ALDH1A1: variants seen among roughly 807,000 people sequenced by gnomAD.
ALDH1A1 encodes the protein aldehyde dehydrogenase 1A1.
Under a neutral mutation model 62.1 loss-of-function variants are expected in ALDH1A1, and 19 were observed. That is an observed-to-expected ratio of 0.31 (90% CI 0.21 to 0.45). The LOEUF is 0.45. Among genes scored for constraint, ALDH1A1 ranks in the 20% least tolerant of loss-of-function variants. ALDH1A1 has a pLI of 1.00. For missense variants in ALDH1A1, 521 were observed against 607.1 expected (o/e 0.86, Z 1.49); for synonymous variants, 231 against 215.9 (o/e 1.07, Z -0.61).
intron 1 of ALDH1A1, among the ~76,000 whole-genome samples, chr9:72,940,763 T>C (rs551802264): frequency 7.9e-5 from 12 of 152,346 alleles, no homozygotes; most frequent in South Asian, 4.1e-4. Flanking sequence ...CATTGTTTCA[T>C]TGGCTTTTTA....
In ALDH1A1 at chr9:72,903,959, T is replaced by TA. The variant is rs146039435; in HGVS notation, c.1433+1998dup. ...TTAGTTTTGCCAAGAGATTCTCCAG[T>TA]AATAGAAAGAGAAGAAACTAGGGAA... On this transcript the variant is annotated intron_variant, in intron 12 of 12. Transcript: ENST00000297785. Among the ~76,000 whole-genome samples the TA allele has an allele frequency of 3.0e-3, 463 of 152,182 alleles. 2 individuals carry two copies. The highest frequency in any genetic ancestry group is 0.01 in the African/African-American group (430 of 41,526).
chr9:72,910,578 T>C (rs1829970047), intron 10 of ALDH1A1, among the ~76,000 whole-genome samples: 1 of 152,182 alleles, frequency 6.6e-6, no homozygotes, highest in Non-Finnish European at 1.5e-5. Context: ...TCACCCTGTA[T>C]CTCAGCCTCA....
intron 12 of ALDH1A1, among the ~76,000 whole-genome samples, chr9:72,904,871 C>A (rs747795565): frequency 6.6e-6 from 1 of 152,146 alleles, no homozygotes; most frequent in South Asian, 2.1e-4. Flanking sequence ...GCATGTCCTG[C>A]CACCACAGCT....
At chr9:72,905,388 A>G (rs1829866004) in intron 12 of ALDH1A1, among the ~76,000 whole-genome samples, 1 of 152,086 alleles carries the variant, frequency 6.6e-6, no homozygotes, top group East Asian at 1.9e-4. Context: ...AGTCACTACT[A>G]TAAAACATGT....
chr9:72,912,210 T>C, intron 9 of ALDH1A1, 88 bp from the exon 10 acceptor site: 1 of 1,090,722 alleles, frequency 9.2e-7, no homozygotes, highest in Non-Finnish European at 1.3e-6. Flanking sequence ...GGCTTCAAAA[T>C]GCTAAAATAT....
At chr9:72,947,161 G>A (rs8187881) in intron 1 of ALDH1A1, among the ~76,000 whole-genome samples, 1 of 151,922 alleles carries the variant, frequency 6.6e-6, no homozygotes, top group Admixed American at 6.6e-5. Context: ...TCAGAGATGA[G>A]CATTCTAAAT....
chr9:72,933,740 T>C (rs562716678), intron 2 of ALDH1A1, among the ~76,000 whole-genome samples: 15 of 152,258 alleles, frequency 9.9e-5, no homozygotes, highest in African/African-American at 2.4e-4. Flanking sequence ...ATGGTGGCAA[T>C]TGTTACTGTT....
At chr9:72,917,321 G>C (rs1396203488) in intron 8 of ALDH1A1, among the ~76,000 whole-genome samples, 1 of 151,942 alleles carries the variant, frequency 6.6e-6, no homozygotes, top group African/African-American at 2.4e-5. Context: ...TGAAAAAATA[G>C]TGGTTACTAT....
chr9:72,901,315 T>A, intron 12 of ALDH1A1, 35 bp from the exon 13 acceptor site: 1 of 1,431,792 alleles, frequency 7.0e-7, no homozygotes, highest in South Asian at 1.2e-5. Flanking sequence ...CAAACACCAT[T>A]TAGCACAGCA....
At chr9:72,915,714 C>T (rs1055898421) in intron 9 of ALDH1A1, among the ~76,000 whole-genome samples, 2 of 152,170 alleles carry the variant, frequency 1.3e-5, no homozygotes, top group East Asian at 1.9e-4. Flanking sequence ...ACTTGGATGT[C>T]TTGAGATGAA....
intron 12 of ALDH1A1, among the ~76,000 whole-genome samples, chr9:72,903,414 G>C (rs911008303): frequency 1.3e-5 from 2 of 151,958 alleles, no homozygotes; most frequent in South Asian, 4.1e-4. Context: ...TGAGGACTCT[G>C]TTCTCAACTG....
intron 3 of ALDH1A1, among the ~76,000 whole-genome samples, 154 bp from the exon 4 acceptor site, chr9:72,929,175 A>G (rs1830248816): frequency 6.6e-6 from 1 of 152,240 alleles, no homozygotes; most frequent in Non-Finnish European, 1.5e-5. Flanking sequence ...AGTTAAAATG[A>G]CTTCCTTTAG....
rs2118496008 is a variant in ALDH1A1, at chr9:72,911,708, G to T, written c.1200+250C>A. On this transcript the variant is annotated intron_variant, in intron 10 of 12. Transcript: ENST00000297785. ...TTTTCCATTGTTTTAAAGCTGTGAA[G>T]GCAGCACCTGAAAATTGTTAAGCAT... Among the ~76,000 whole-genome samples, 3 of 152,300 alleles carry T rather than the reference G, an allele frequency of 2.0e-5. 1 individual carries two copies. In the Middle Eastern group the frequency reaches 0.01, roughly 518 times the overall value.
intron 1 of ALDH1A1, chr9:72,942,384 C>A (rs1830424879): frequency 1.0e-6 from 1 of 984,984 alleles, no homozygotes; most frequent in African/African-American, 1.7e-5. Context: ...GTCCCCCAGC[C>A]CTATCTCTCA....
At chr9:72,903,315 A>G (rs1289159176) in intron 12 of ALDH1A1, among the ~76,000 whole-genome samples, 2 of 152,072 alleles carry the variant, frequency 1.3e-5, no homozygotes, top group Admixed American at 6.6e-5. Context: ...CAGAGCCAAC[A>G]CTATGATCAG....
intron 12 of ALDH1A1, among the ~76,000 whole-genome samples, chr9:72,905,434 A>G (rs948462451): frequency 1.2e-4 from 19 of 152,146 alleles, no homozygotes; most frequent in African/African-American, 4.6e-4. Context: ...AAGTTTTAAT[A>G]CTAAAAATAA....
intron 2 of ALDH1A1, among the ~76,000 whole-genome samples, chr9:72,938,549 T>G (rs1588143242): frequency 1.3e-5 from 2 of 151,798 alleles, no homozygotes; most frequent in South Asian, 4.2e-4. Flanking sequence ...CGGGTTCAAG[T>G]GATTCTCCTA....
chr9:72,933,214 C>G (rs1053213399), intron 2 of ALDH1A1, among the ~76,000 whole-genome samples: 1 of 152,156 alleles, frequency 6.6e-6, no homozygotes, highest in African/African-American at 2.4e-5. Context: ...AACCATTCAT[C>G]CCTCTAGCTA....
At chr9:72,936,954 GA>G (rs1489999593) in intron 2 of ALDH1A1, among the ~76,000 whole-genome samples, 2 of 152,124 alleles carry the variant, frequency 1.3e-5, no homozygotes, top group African/African-American at 4.8e-5. Context: ...GATAAAAAAT[GA>G]AAATTTTCAG....
Sources: gnomAD v4.1 joint callset for allele counts (sites outside exome capture counted in the v4.1 genomes callset) on GRCh38, gnomAD v4.1.1 for gene constraint, MANE v1.5 for transcripts, NCBI Gene and HGNC (gene_info 2026-07-23, HGNC 2026-07-21) for gene names.